Variants in GALNTL6 observed in about 807,000 individuals in gnomAD.
GALNTL6 encodes the protein polypeptide N-acetylgalactosaminyltransferase like 6.
Under a neutral mutation model 73.7 loss-of-function variants are expected in GALNTL6, and 46 were observed. That is an observed-to-expected ratio of 0.62 (90% CI 0.49 to 0.80). The LOEUF (loss-of-function observed/expected upper bound fraction) is 0.80, where lower values mean the gene tolerates loss of function less well. GALNTL6 is among the 30% of genes least tolerant of loss of function. The probability of loss-of-function intolerance (pLI) is 0.00; values close to 1 mark genes in which losing one functional copy is unlikely to be tolerated. For synonymous variants in GALNTL6, 259 were observed against 263.7 expected, an observed-to-expected ratio of 0.98 and a Z score of 0.17; for missense variants, 604 against 755.0, an observed-to-expected ratio of 0.80 and a Z score of 2.34.
rs145048357 is a variant in GALNTL6 at position 172,206,234 on chromosome 4, G to C, written c.139-23422G>C. ...CTTCTAAATACTCTAATCCCCATAA[G>C]AATAGTTGTATTTATTCAGCTCATC... is the stretch of plus-strand genomic sequence containing the variant. On this transcript the variant is annotated intron_variant, in intron 2 of 12. Transcript: ENST00000506823. Among the ~76,000 whole-genome samples, 671 of 152,136 alleles carry C rather than the reference G, an allele frequency of 4.4e-3. 7 individuals carry two copies. Among genetic ancestry groups the C allele is most frequent in the African/African-American group, 0.015 (641 of 41,502 alleles).
At chr4:172,863,077 C>G (rs1023275062) in intron 7 of GALNTL6, among the ~76,000 whole-genome samples, 2 of 152,200 alleles carry the variant, frequency 1.3e-5, no homozygotes, top group Admixed American at 1.3e-4. Context: ...GTCAAGAACT[C>G]AGGTTTGGAA....
chr4:172,743,675 A>G (rs1233828361), intron 5 of GALNTL6, among the ~76,000 whole-genome samples: 1 of 152,096 alleles, frequency 6.6e-6, no homozygotes, highest in Non-Finnish European at 1.5e-5. Flanking sequence ...TGATATCCAG[A>G]TGATGAAGAT....
intron 2 of GALNTL6, among the ~76,000 whole-genome samples, chr4:172,167,341 T>C (rs1433294078): frequency 6.6e-6 from 1 of 152,198 alleles, no homozygotes; most frequent in South Asian, 2.1e-4. Context: ...ACCAAAGGCA[T>C]GTATAATAAT....
At chr4:172,953,245 C>G (rs1168747101) in intron 10 of GALNTL6, among the ~76,000 whole-genome samples, 1 of 152,186 alleles carries the variant, frequency 6.6e-6, no homozygotes, top group East Asian at 1.9e-4. Flanking sequence ...GGGTTCGGTT[C>G]CATTCAATAC....
intron 7 of GALNTL6, among the ~76,000 whole-genome samples, chr4:172,838,604 A>C (rs1441090215): frequency 6.6e-6 from 1 of 152,214 alleles, no homozygotes. Context: ...GTAGGAGAAT[A>C]AAATACAATG....
At chr4:172,267,855 A>G (rs1306651123) in intron 3 of GALNTL6, among the ~76,000 whole-genome samples, 1 of 152,184 alleles carries the variant, frequency 6.6e-6, no homozygotes, top group Non-Finnish European at 1.5e-5. Flanking sequence ...GATGAACAAA[A>G]TGAGCTACTG....
intron 3 of GALNTL6, among the ~76,000 whole-genome samples, chr4:172,294,013 G>T (rs998353253): frequency 2.6e-5 from 4 of 151,006 alleles, no homozygotes; most frequent in Non-Finnish European, 5.9e-5. Flanking sequence ...ACTCATTTAG[G>T]ATCACAGCCT....
intron 8 of GALNTL6, among the ~76,000 whole-genome samples, chr4:172,913,059 T>A (rs1442935233): frequency 2.0e-5 from 3 of 152,178 alleles, no homozygotes; most frequent in Non-Finnish European, 4.4e-5. Context: ...CGTTCTGCAA[T>A]ATTTGCTGTT....
intron 2 of GALNTL6, among the ~76,000 whole-genome samples, chr4:172,203,242 G>A (rs1234741886): frequency 6.6e-6 from 1 of 152,094 alleles, no homozygotes; most frequent in Non-Finnish European, 1.5e-5. Context: ...ATTAGGAATT[G>A]TTTGCAATAA....
chr4:171,978,599 T>G (rs1739791386), intron 2 of GALNTL6, among the ~76,000 whole-genome samples: 1 of 152,154 alleles, frequency 6.6e-6, no homozygotes, highest in African/African-American at 2.4e-5. Flanking sequence ...CACAGATGGG[T>G]TCACAGTTGA....
intron 2 of GALNTL6, among the ~76,000 whole-genome samples, chr4:171,863,089 A>G (rs888368689): frequency 6.6e-6 from 1 of 152,178 alleles, no homozygotes; most frequent in Non-Finnish European, 1.5e-5. Flanking sequence ...CTGAAAACTA[A>G]CTAGCATTGG....
intron 5 of GALNTL6, among the ~76,000 whole-genome samples, chr4:172,752,031 A>G (rs1037144649): frequency 4.9e-5 from 7 of 143,498 alleles, no homozygotes; most frequent in Non-Finnish European, 9.1e-5. Flanking sequence ...TAAGTAATCC[A>G]TATCAACTTA....
chr4:172,719,278 A>G (rs1375098860), intron 5 of GALNTL6, among the ~76,000 whole-genome samples: 2 of 152,216 alleles, frequency 1.3e-5, no homozygotes, highest in Non-Finnish European at 2.9e-5. Context: ...CATAGTAAAA[A>G]ACATTTTAAC....
intron 5 of GALNTL6, among the ~76,000 whole-genome samples, chr4:172,805,064 A>G (rs556246988): frequency 6.6e-6 from 1 of 152,322 alleles, no homozygotes; most frequent in South Asian, 2.1e-4. Flanking sequence ...ATAGAATTAG[A>G]AAACTAGAAG....
intron 2 of GALNTL6, among the ~76,000 whole-genome samples, chr4:171,942,860 T>C (rs974030429): frequency 2.0e-5 from 3 of 152,206 alleles, no homozygotes; most frequent in African/African-American, 7.2e-5. Flanking sequence ...ATGACTTGCA[T>C]CAGAATTCTT....
chr4:172,453,627 T>G (rs1277365780), intron 5 of GALNTL6, among the ~76,000 whole-genome samples: 1 of 152,244 alleles, frequency 6.6e-6, no homozygotes, highest in African/African-American at 2.4e-5. Flanking sequence ...TTTCACCATC[T>G]GAAATTTGTC....
rs566037098 is a variant in GALNTL6 at position 172,054,299 on chromosome 4, C to T, written c.139-175357C>T. On this transcript the variant is annotated intron_variant, in intron 2 of 12. Transcript: ENST00000506823. ...TTTTCAATCAAGGGTCAAAGAATCA[C>T]AATTCAAATAGAAATAATTTAATGA... is the stretch of plus-strand genomic sequence containing the variant. Among the ~76,000 whole-genome samples, 3 of 152,170 alleles carry T rather than the reference C, an allele frequency of 2.0e-5. No individual in the cohort carries two copies. In the South Asian group the frequency reaches 6.2e-4, roughly 32 times the overall value.
At chr4:172,272,072 C>G (rs1244719220) in intron 3 of GALNTL6, among the ~76,000 whole-genome samples, 1 of 152,024 alleles carries the variant, frequency 6.6e-6, no homozygotes, top group Non-Finnish European at 1.5e-5. Flanking sequence ...CCTGCTTCAG[C>G]CTCCCGAGTA....
rs1282813178 is a variant in GALNTL6 at position 172,042,742 on chromosome 4, CTG to C, written c.139-186912_139-186911del. Among the ~76,000 whole-genome samples the C allele has an allele frequency of 3.3e-5, 5 of 151,702 alleles. No homozygotes were observed. The East Asian group carries it at 9.7e-4, about 29-fold the overall frequency. The stretch of plus-strand genomic sequence containing the variant: ...CCTTAACTCATCTCTCTCTTTCTTT[CTG>C]TCTTTCTCTGACTATTCTGATAGCC... On this transcript the variant is annotated intron_variant, in intron 2 of 12. Transcript: ENST00000506823.
Sources: allele counts gnomAD v4.1 joint callset (sites outside exome capture counted in the v4.1 genomes callset), GRCh38; gene constraint gnomAD v4.1.1; transcripts MANE v1.5; gene names NCBI Gene and HGNC (gene_info 2026-07-23, HGNC 2026-07-21).